Variants in NF1 observed in about 807,000 individuals in gnomAD.
NF1 encodes neurofibromin.
Under a neutral mutation model 325.7 loss-of-function variants are expected in NF1, and 122 were observed. That is an observed-to-expected ratio of 0.37 (90% confidence interval 0.32 to 0.44). The LOEUF is 0.44. Among genes scored for constraint, NF1 ranks in the 20% least tolerant of loss-of-function variants. The probability of loss-of-function intolerance (pLI) is 1.00; values close to 1 mark genes in which losing one functional copy is unlikely to be tolerated. For synonymous variants in NF1, 1,091 were observed against 1,186.0 expected (o/e 0.92, Z 1.65); for missense variants, 2,140 against 3,415.4 (o/e 0.63, Z 9.31).
chr17:31,165,312 C>G (rs2065826714), intron 4 of NF1, among the ~76,000 whole-genome samples: 2 of 152,146 alleles, frequency 1.3e-5, no homozygotes, highest in African/African-American at 4.8e-5. Flanking sequence ...AGAGGACAGA[C>G]CACTCAGAAA....
intron 31 of NF1, among the ~76,000 whole-genome samples, chr17:31,256,900 G>T (rs1567861345): frequency 1.3e-5 from 2 of 152,106 alleles, no homozygotes; most frequent in Non-Finnish European, 2.9e-5. Flanking sequence ...AGTTACAACT[G>T]ACCTCTTTTT....
At chr17:31,176,663 C>T (rs184040972) in intron 5 of NF1, among the ~76,000 whole-genome samples, 1 of 152,254 alleles carries the variant, frequency 6.6e-6, no homozygotes. Context: ...AGTCTTTAAT[C>T]TATCTTGAGT....
At position 31,343,086 on chromosome 17, in the gene NF1, C is replaced by A. The variant is rs1318891665; in HGVS notation, c.7140C>A (p.Leu2380=). Residue 2380 remains leucine, a synonymous_variant, in exon 48 of 58, where the codon CTC becomes CTA. Coordinates refer to ENST00000358273, the MANE Select transcript of NF1 (RefSeq NM_001042492.3). ...AGCAAATGGATCATTTTGTTGGACT[C>A]AATTTCAACTCTAACTTTAACTTTG... ...HCKQMDHFVG[L]NFNSNFNFAL... is the part of the protein sequence containing the mutation. 1 of 1,613,852 alleles carries A rather than the reference C, an allele frequency of 6.2e-7. No homozygotes were observed. The highest frequency in any genetic ancestry group is 8.5e-7 in the Non-Finnish European group (1 of 1,179,920).
chr17:31,120,530 A>G (rs1226305937), intron 1 of NF1, among the ~76,000 whole-genome samples: 2 of 152,198 alleles, frequency 1.3e-5, no homozygotes, highest in Non-Finnish European at 2.9e-5. Context: ...TTTTCTAAAT[A>G]TACAGTCATG....
chr17:31,260,410 C>A lies in NF1; in HGVS notation c.4472C>A (p.Ala1491Glu), dbSNP rs876658334. 1 of 1,613,930 alleles carries A rather than the reference C, an allele frequency of 6.2e-7. No homozygotes were observed. Among genetic ancestry groups the A allele is most frequent in the East Asian group, 2.2e-5 (1 of 44,862 alleles). The change falls in exon 34 of 58, where the codon GCA (alanine) becomes GAA (glutamate). Residue 1491 changes from alanine (A) to glutamate (E), a missense_variant. Ala to Glu is a moderately radical substitution (Grantham distance 107). Around this residue, in one of 10 missense-constraint regions of NF1, gnomAD observed 336 missense variants for 399.0 expected, o/e 0.84. Transcript: ENST00000358273. ...GCATCTGATTGTCCTACAAGTGATGCAGTAAATCATAGTCTTTCCTTCATA... is the reference window on the plus strand; with the variant it reads ...GCATCTGATTGTCCTACAAGTGATGAAGTAAATCATAGTCTTTCCTTCATA... ...DIASDCPTSD[A>E]VNHSLSFISD...
intron 52 of NF1, 169 bp from the exon 53 acceptor site, chr17:31,356,791 T>C: frequency 8.5e-7 from 1 of 1,180,276 alleles, no homozygotes; most frequent in East Asian, 2.5e-5. Flanking sequence ...GCATTGTAAA[T>C]AGGTAGCCAA....
intron 5 of NF1, among the ~76,000 whole-genome samples, chr17:31,177,943 C>T (rs1367092707): frequency 6.6e-6 from 1 of 152,130 alleles, no homozygotes; most frequent in Non-Finnish European, 1.5e-5. Context: ...GGAAAACACT[C>T]TTCAGGATAT....
chr17:31,107,976 T>TA (rs1397029389), intron 1 of NF1, among the ~76,000 whole-genome samples: 1 of 150,860 alleles, frequency 6.6e-6, no homozygotes, highest in Non-Finnish European at 1.5e-5. Flanking sequence ...CACAAAAAAA[T>TA]AAAAAAAGTA....
Position 31,197,344 on chromosome 17 carries a change from C to CT in NF1, c.889-3059dup, listed in dbSNP as rs61619278. Among the ~76,000 whole-genome samples the CT allele has an allele frequency of 6.4e-3, 633 of 99,186 alleles. 3 individuals are homozygous for CT. Among genetic ancestry groups the CT allele is most frequent in the African/African-American group, 0.012 (318 of 25,964 alleles). 65.1% of individuals were successfully genotyped at this position (99,186 alleles called of 152,430 possible). A position where few individuals can be genotyped will look rare whatever the true frequency, so the allele number is the denominator to read the frequency against. ...TACAGGCGTGAGCCACCGCGCCTGG[C>CT]TTTTTTTTTTTTTTTTTTTGCAAAA... On this transcript the variant is annotated intron_variant, in intron 8 of 57. Transcript: ENST00000358273.
chr17:31,185,145 C>T (rs1282245210), intron 8 of NF1, among the ~76,000 whole-genome samples: 1 of 152,152 alleles, frequency 6.6e-6, no homozygotes, highest in African/African-American at 2.4e-5. Flanking sequence ...TCCCCTGAGG[C>T]AGTTGCCAGG....
rs769843989 is a variant in NF1 at position 31,327,766 on chromosome 17, C to T, written c.5536C>T (p.Arg1846Trp). 3.7e-6 allele frequency: 6 copies of T among 1,614,094 alleles called. No individual in the cohort carries two copies. Among genetic ancestry groups the T allele is most frequent in the Admixed American group, 1.7e-5 (1 of 60,016 alleles). Residue 1846 changes from arginine to tryptophan, a missense_variant, in exon 38 of 58, where the codon CGG becomes TGG. Arg to Trp is a moderately radical substitution (Grantham distance 101). Transcript: ENST00000358273. ...PDSIPQHTKI[R>W]PKDVPGTLLN... is the part of the protein sequence containing the mutation. ...CTCTATCCCCCAACACACCAAGATT[C>T]GGCCAAAAGATGTCCCTGGGACACT...
chr17:31,095,579 T>G, intron 1 of NF1: 2 of 549,442 alleles, frequency 3.6e-6, no homozygotes, highest in Non-Finnish European at 3.2e-6. Context: ...TTGGGCACCC[T>G]TTCCCTCCTA....
At chr17:31,136,889 C>G (rs560688141) in intron 1 of NF1, 5 of 152,270 alleles carry the variant, frequency 3.3e-5, no homozygotes, top group Non-Finnish European at 7.4e-5. Context: ...CACTGGGGCT[C>G]TTGGAACTTA....
intron 1 of NF1, among the ~76,000 whole-genome samples, chr17:31,104,946 T>G (rs1912716732): frequency 1.3e-5 from 2 of 152,196 alleles, no homozygotes; most frequent in Non-Finnish European, 2.9e-5. Flanking sequence ...TCTTTGTTCC[T>G]CAGGCTGGAG....
intron 5 of NF1, among the ~76,000 whole-genome samples, chr17:31,172,295 AT>A (rs1271408764): frequency 6.6e-6 from 1 of 152,014 alleles, no homozygotes; most frequent in African/African-American, 2.4e-5. Context: ...GTGCCACTGC[AT>A]TCCAGCCTGG....
At chr17:31,260,833 T>C in intron 34 of NF1, among the ~76,000 whole-genome samples, 1 of 152,206 alleles carries the variant, frequency 6.6e-6, no homozygotes, top group East Asian at 1.9e-4. Flanking sequence ...GCGTTGGCAT[T>C]TGACTCTGAA....
intron 36 of NF1, among the ~76,000 whole-genome samples, chr17:31,301,071 T>A (rs2068563366): frequency 6.6e-6 from 1 of 152,024 alleles, no homozygotes; most frequent in Non-Finnish European, 1.5e-5. Flanking sequence ...AAGTTTTAAT[T>A]TTTTTTTCCA....
At position 31,229,324 on chromosome 17, in the gene NF1, G is replaced by T. The variant is rs771820789; in HGVS notation, c.2709G>T (p.Val903=). The part of the protein sequence containing the change: ...KFMDRLLSLM[V]CNHEKVGLQI... Reference sequence around the variant, plus strand: ...TGGATCGGCTGTTGTCCTTAATGGTGTGTAACCATGAGAAAGTGGGACTTC... The same window carrying T: ...TGGATCGGCTGTTGTCCTTAATGGTTTGTAACCATGAGAAAGTGGGACTTC... The change falls in exon 21 of 58, where the codon GTG becomes GTT. Residue 903 remains valine, a synonymous_variant. Coordinates refer to ENST00000358273, the MANE Select transcript of NF1 (RefSeq NM_001042492.3). The T allele has an allele frequency of 6.2e-7, 1 of 1,613,950 alleles. No homozygotes were observed. The highest frequency in any genetic ancestry group is 8.5e-7 in the Non-Finnish European group (1 of 1,179,834).
chr17:31,376,038 G>C lies in NF1; in HGVS notation c.*1883G>C. The C allele has an allele frequency of 4.3e-6, 1 of 232,988 alleles. No individual in the cohort carries two copies. Among genetic ancestry groups the C allele is most frequent in the East Asian group, 6.1e-5 (1 of 16,502 alleles). The allele number at this position is 232,988 out of a possible 1,614,324, so 14.4% of individuals were successfully genotyped here. On this transcript the variant is annotated 3_prime_UTR_variant, in exon 58 of 58. Transcript: ENST00000358273. ...AGAAGAAAATGTTTATAATGACAGAGCAACTATGACTATATAAAAAAGCTG... is the reference window on the plus strand; with the variant it reads ...AGAAGAAAATGTTTATAATGACAGACCAACTATGACTATATAAAAAAGCTG...
Sources: gnomAD v4.1 joint callset for allele counts (sites outside exome capture counted in the v4.1 genomes callset) on GRCh38, gnomAD v4.1.1 for gene constraint, gnomAD v4.1.1 regional missense constraint, MANE v1.5 for transcripts, NCBI Gene and HGNC (gene_info 2026-07-23, HGNC 2026-07-21) for gene names.